The following GALNT17 variants were observed in gnomAD, a reference collection of about 807,000 sequenced individuals.
GALNT17 encodes the protein polypeptide N-acetylgalactosaminyltransferase 17.
Under a neutral mutation model 63.7 loss-of-function variants are expected in GALNT17, and 29 were observed. The ratio of observed to expected loss-of-function variants is 0.46; its 90% confidence interval spans 0.34 to 0.62. The LOEUF (loss-of-function observed/expected upper bound fraction) is 0.62, where lower values mean the gene tolerates loss of function less well. Among genes scored for constraint, GALNT17 ranks in the 20% least tolerant of loss-of-function variants. The probability of loss-of-function intolerance (pLI) is 0.01; values close to 1 mark genes in which losing one functional copy is unlikely to be tolerated. For synonymous variants in GALNT17, 305 were observed against 318.3 expected (o/e 0.96, Z 0.45); for missense variants, 603 against 799.6 (o/e 0.75, Z 2.97).
At chr7:71,631,129 A>G (rs374822079) in intron 6 of GALNT17, among the ~76,000 whole-genome samples, 80 of 152,266 alleles carry the variant, frequency 5.3e-4, no homozygotes, top group East Asian at 5.2e-3. Context: ...ATTGTTTTGC[A>G]TTCTGTAGCC....
chr7:71,485,527 A>C (rs1222996711), intron 5 of GALNT17, among the ~76,000 whole-genome samples: 1 of 152,228 alleles, frequency 6.6e-6, no homozygotes, highest in Non-Finnish European at 1.5e-5. Context: ...AAAGTGTCTC[A>C]TGGCAGGTCC....
chr7:71,162,119 CCCTCCCTT>C (rs1171491597), intron 1 of GALNT17, among the ~76,000 whole-genome samples: 51 of 34,492 alleles, frequency 1.5e-3, no homozygotes, highest in Middle Eastern at 0.028. Flanking sequence ...CTCCCTCCCT[CCCTCCCTT>C]CCTTCCTTCC....
At chr7:71,134,457 C>G (rs1288707017) in intron 1 of GALNT17, among the ~76,000 whole-genome samples, 5 of 152,014 alleles carry the variant, frequency 3.3e-5, no homozygotes, top group Non-Finnish European at 7.4e-5. Flanking sequence ...CTGCTGGGTA[C>G]TGGGGGAGGG....
intron 1 of GALNT17, among the ~76,000 whole-genome samples, chr7:71,265,118 A>ATATATATTTTTTTTT (rs1390488895): frequency 1.9e-4 from 7 of 37,462 alleles, no homozygotes; most frequent in Non-Finnish European, 2.7e-4. Context: ...ATATATATAT[A>ATATATATTTTTTTTT]TTTTTTTTTT....
At position 71,421,554 on chromosome 7, in the gene GALNT17, G is replaced by A. The variant is rs192759266; in HGVS notation, c.962+449G>A. Among the ~76,000 whole-genome samples the A allele has an allele frequency of 2.5e-4, 38 of 152,276 alleles. 4 individuals carry two copies. In the East Asian group the frequency reaches 2.9e-3, roughly 12 times the overall value. On this transcript the variant is annotated intron_variant, in intron 5 of 10. Coordinates refer to ENST00000333538, the MANE Select transcript of GALNT17 (RefSeq NM_022479.3). Reference sequence around the variant, plus strand: ...TGGCATTCTGAGGAACTGGAGGGATGTTGGGGAGCTCTTTATGGCTCTTGC... The same window carrying A: ...TGGCATTCTGAGGAACTGGAGGGATATTGGGGAGCTCTTTATGGCTCTTGC...
intron 1 of GALNT17, among the ~76,000 whole-genome samples, chr7:71,155,810 G>A (rs1201754822): frequency 2.6e-5 from 4 of 151,774 alleles, no homozygotes. Flanking sequence ...TAATTAAGTA[G>A]AGTAGGAAGT....
At chr7:71,346,007 AC>A (rs1169873418) in intron 2 of GALNT17, among the ~76,000 whole-genome samples, 2 of 144,056 alleles carry the variant, frequency 1.4e-5, no homozygotes, top group Non-Finnish European at 3.0e-5. Context: ...ACACAGTGAG[AC>A]CTGTCTCTAC....
Position 71,291,015 on chromosome 7 carries a change from T to C in GALNT17, c.239-44535T>C, listed in dbSNP as rs562714622. Among the ~76,000 whole-genome samples the C allele has an allele frequency of 2.6e-5, 4 of 152,340 alleles. No individual in the cohort carries two copies. The East Asian group carries it at 7.7e-4, about 29-fold the overall frequency. On this transcript the variant is annotated intron_variant, in intron 1 of 10. Transcript: ENST00000333538. ...AGTAATACCTTCTTCATAGGACTTA[T>C]GTCAGGATTAAGTGAGATAATGCAT...
At chr7:71,141,186 G>A (rs996526262) in intron 1 of GALNT17, among the ~76,000 whole-genome samples, 1 of 151,860 alleles carries the variant, frequency 6.6e-6, no homozygotes, top group Non-Finnish European at 1.5e-5. Context: ...GGCCAACATG[G>A]CGAAACCCCA....
chr7:71,523,602 A>C (rs1246348000), intron 5 of GALNT17, among the ~76,000 whole-genome samples: 1 of 151,748 alleles, frequency 6.6e-6, no homozygotes, highest in Non-Finnish European at 1.5e-5. Flanking sequence ...AAAAACTTTA[A>C]AAATTAGTGG....
intron 2 of GALNT17, among the ~76,000 whole-genome samples, chr7:71,354,749 A>G (rs76568020): frequency 0.014 from 2,166 of 152,288 alleles, 27 homozygotes; most frequent in Middle Eastern, 0.027. Flanking sequence ...AATCCTCTGG[A>G]ACAATTTATG....
chr7:71,481,073 G>A (rs1017017154), intron 5 of GALNT17, among the ~76,000 whole-genome samples: 4 of 152,158 alleles, frequency 2.6e-5, no homozygotes, highest in African/African-American at 9.7e-5. Context: ...CCAAACTGGT[G>A]CATTTTTCCC....
At position 71,421,062 on chromosome 7, in the gene GALNT17, C is replaced by G. The variant is rs139549051; in HGVS notation, c.919C>G (p.Pro307Ala). The G allele has an allele frequency of 3.7e-6, 6 of 1,614,060 alleles. No individual in the cohort carries two copies. The highest frequency in any genetic ancestry group is 4.2e-6 in the Non-Finnish European group (5 of 1,179,998). ...GCTGTGGTGCATGTACATCAGCCCC[C>G]CAAAAGACTGGTGGGACGCCGGAGA... ...WELWCMYISP[P>A]KDWWDAGDPS... The change falls in exon 5 of 11, where the codon CCA becomes GCA. Residue 307 changes from proline to alanine, a missense_variant. By Grantham distance (27) the Pro-to-Ala change is conservative. Around this residue, in one of 3 missense-constraint regions of GALNT17, gnomAD observed 336 missense variants for 507.8 expected, o/e 0.66. Coordinates refer to ENST00000333538, the MANE Select transcript of GALNT17 (RefSeq NM_022479.3).
intron 5 of GALNT17, among the ~76,000 whole-genome samples, chr7:71,536,166 G>T (rs996588732): frequency 2.0e-5 from 3 of 152,158 alleles, no homozygotes; most frequent in African/African-American, 4.8e-5. Context: ...GACTGCTCTT[G>T]TCTCTAAGCT....
chr7:71,435,298 C>T (rs1786938554), intron 5 of GALNT17, among the ~76,000 whole-genome samples: 1 of 152,162 alleles, frequency 6.6e-6, no homozygotes, highest in African/African-American at 2.4e-5. Context: ...GTCCTTGTTC[C>T]TTCTGGGTCA....
chr7:71,392,900 AC>A (rs976958302), intron 3 of GALNT17, among the ~76,000 whole-genome samples: 16 of 152,124 alleles, frequency 1.1e-4, no homozygotes, highest in Non-Finnish European at 1.9e-4. Flanking sequence ...GTTCTTTGTA[AC>A]TGGTATTATC....
At chr7:71,484,962 C>A (rs1173310418) in intron 5 of GALNT17, among the ~76,000 whole-genome samples, 1 of 47,558 alleles carries the variant, frequency 2.1e-5, no homozygotes, top group Admixed American at 3.1e-4. Flanking sequence ...CCACACCTGG[C>A]TTTTTTTTTT....
intron 5 of GALNT17, among the ~76,000 whole-genome samples, chr7:71,481,494 G>A (rs1270036008): frequency 6.6e-6 from 1 of 152,202 alleles, no homozygotes; most frequent in Non-Finnish European, 1.5e-5. Context: ...CTGGCCATAT[G>A]TGTGCTGGGC....
At chr7:71,300,288 T>C (rs1227741422) in intron 1 of GALNT17, 3 of 344,544 alleles carry the variant, frequency 8.7e-6, no homozygotes, top group Non-Finnish European at 1.7e-5. Context: ...AGAGGAAATG[T>C]ATCTGGACTC....
Sources: allele counts gnomAD v4.1 joint callset (sites outside exome capture counted in the v4.1 genomes callset), GRCh38; gene constraint gnomAD v4.1.1; regional missense constraint gnomAD v4.1.1; transcripts MANE v1.5; gene names NCBI Gene and HGNC (gene_info 2026-07-23, HGNC 2026-07-21).